Variants in CNNM2 observed in about 807,000 individuals in gnomAD.
CNNM2 encodes metal transporter CNNM2.
In CNNM2, 12 loss-of-function variants were observed where a neutral mutation model predicts 66.9. The ratio of observed to expected loss-of-function variants is 0.18; its 90% CI spans 0.11 to 0.29. CNNM2 has a LOEUF of 0.29. Among genes scored for constraint, CNNM2 ranks in the 10% least tolerant of loss-of-function variants. The pLI, the probability that CNNM2 is intolerant of heterozygous loss-of-function variation, is 1.00. For missense variants in CNNM2, 705 were observed against 1,167.7 expected, an observed-to-expected ratio of 0.60 and a Z score of 5.77; for synonymous variants, 557 against 501.8, an observed-to-expected ratio of 1.11 and a Z score of -1.47.
intron 1 of CNNM2, among the ~76,000 whole-genome samples, chr10:102,931,167 T>G (rs1300023812): frequency 6.6e-6 from 1 of 152,150 alleles, no homozygotes; most frequent in Non-Finnish European, 1.5e-5. Flanking sequence ...TGTACTGGGC[T>G]TCTGCCTCAG....
rs1441771785 is a variant in CNNM2 at position 103,054,313 on chromosome 10, T to C, written c.1766-16T>C. 6.2e-7 allele frequency: 1 copy of C among 1,612,470 alleles called. No homozygotes were observed. The highest frequency in any genetic ancestry group is 1.7e-5 in the Admixed American group (1 of 59,630). On this transcript the variant is annotated splice_polypyrimidine_tract_variant and intron_variant, in intron 2 of 7. Coordinates refer to ENST00000369878, the MANE Select transcript of CNNM2 (RefSeq NM_017649.5). The surrounding 1 kb of genome is among the most constrained non-coding windows in gnomAD (Gnocchi z 5.2). ...ATGCATTTCTTTTTTTTTCTCTCTTTTAATTCCTCCCTTAGCTGACAACAG... is the reference window on the plus strand; with the variant it reads ...ATGCATTTCTTTTTTTTTCTCTCTTCTAATTCCTCCCTTAGCTGACAACAG...
At chr10:103,009,825 G>A (rs2064305704) in intron 1 of CNNM2, among the ~76,000 whole-genome samples, 3 of 152,076 alleles carry the variant, frequency 2.0e-5, no homozygotes, top group Admixed American at 2.0e-4. Flanking sequence ...GCTGTTGACT[G>A]TTTGGAAGAT....
At position 102,976,054 on chromosome 10, in the gene CNNM2, T is replaced by C. The variant is rs1162906025; in HGVS notation, c.1621+55953T>C. ...ACCTTGATGGTTTGAAAGAGATACT[T>C]GGAAGAGAGTGATTAATGAAAATAA... On this transcript the variant is annotated intron_variant, in intron 1 of 7. Coordinates refer to ENST00000369878, the MANE Select transcript of CNNM2 (RefSeq NM_017649.5). Among the ~76,000 whole-genome samples the C allele has an allele frequency of 2.0e-5, 3 of 152,084 alleles. No homozygotes were observed. In the East Asian group the frequency reaches 5.8e-4, roughly 29 times the overall value.
chr10:102,978,297 C>T (rs1364182643), intron 1 of CNNM2, among the ~76,000 whole-genome samples: 4 of 151,756 alleles, frequency 2.6e-5, no homozygotes, highest in Non-Finnish European at 4.4e-5. Flanking sequence ...CTCTTCTCCC[C>T]GCCCTCTGCA....
intron 1 of CNNM2, among the ~76,000 whole-genome samples, chr10:102,986,323 G>A (rs969565993): frequency 6.6e-5 from 10 of 151,426 alleles, no homozygotes; most frequent in African/African-American, 2.4e-4. Flanking sequence ...GTGTGATCTC[G>A]GCTCACTGCA....
At chr10:103,011,646 C>CTGTGTGTGTGTGTGTGTGTGTG (rs10624803) in intron 1 of CNNM2, among the ~76,000 whole-genome samples, 2 of 136,056 alleles carry the variant, frequency 1.5e-5, no homozygotes, top group African/African-American at 5.5e-5. Context: ...AATACTTGCA[C>CTGTGTGTGTGTGTGTGTGTGTG]TGTGTGTGTG....
intron 1 of CNNM2, among the ~76,000 whole-genome samples, chr10:103,008,514 C>G (rs1217488224): frequency 6.6e-6 from 1 of 152,192 alleles, no homozygotes; most frequent in East Asian, 1.9e-4. Flanking sequence ...GGTGGTGCCT[C>G]ACACTTGTGA....
chr10:103,061,982 CAAAAAA>C (rs1266966792), intron 4 of CNNM2, among the ~76,000 whole-genome samples: 1 of 151,958 alleles, frequency 6.6e-6, no homozygotes, highest in Non-Finnish European at 1.5e-5. Context: ...GAATGGTAGA[CAAAAAA>C]GAAAAAGTAC....
chr10:102,987,567 C>T (rs1341464598), intron 1 of CNNM2, among the ~76,000 whole-genome samples: 3 of 151,976 alleles, frequency 2.0e-5, no homozygotes, highest in East Asian at 1.9e-4. Flanking sequence ...GTGATCTGCC[C>T]GCCTCGGCCT....
chr10:102,956,011 G>A (rs919009997), intron 1 of CNNM2, among the ~76,000 whole-genome samples: 4 of 152,216 alleles, frequency 2.6e-5, no homozygotes, highest in Non-Finnish European at 1.5e-5. Context: ...AGTTAGGCCA[G>A]GCATGGTGGC....
chr10:102,952,513 G>A lies in CNNM2; in HGVS notation c.1621+32412G>A, dbSNP rs1409675343. 2.6e-5 allele frequency among the ~76,000 whole-genome samples: 4 copies of A among 151,892 alleles called. No individual in the cohort carries two copies. In the East Asian group the frequency reaches 5.9e-4, roughly 22 times the overall value. ...TGGGAGGCGGAGCTTGCAGTGAGCC[G>A]AGATTGCACCACTGCACTCCAGCCT... On this transcript the variant is annotated intron_variant, in intron 1 of 7. Transcript: ENST00000369878.
chr10:102,950,968 A>G (rs559800346), intron 1 of CNNM2, among the ~76,000 whole-genome samples: 16 of 146,214 alleles, frequency 1.1e-4, no homozygotes, highest in Admixed American at 6.9e-4. Flanking sequence ...GGCAATAGGA[A>G]TTCTTTCTTT....
chr10:103,010,161 A>G (rs575586281), intron 1 of CNNM2, among the ~76,000 whole-genome samples: 1 of 152,292 alleles, frequency 6.6e-6, no homozygotes, highest in Non-Finnish European at 1.5e-5. Context: ...TCAATAACGT[A>G]ATATAGAAAC....
At chr10:102,945,123 T>G (rs1412661624) in intron 1 of CNNM2, among the ~76,000 whole-genome samples, 1 of 152,128 alleles carries the variant, frequency 6.6e-6, no homozygotes, top group Non-Finnish European at 1.5e-5. Flanking sequence ...GGCATCTCAC[T>G]CCTCCCTTTA....
intron 1 of CNNM2, among the ~76,000 whole-genome samples, chr10:102,963,487 C>G (rs1306524185): frequency 6.6e-6 from 1 of 152,154 alleles, no homozygotes; most frequent in African/African-American, 2.4e-5. Context: ...GTGTTTTCAC[C>G]AGAGTAGTAT....
chr10:102,982,067 G>C (rs974856256), intron 1 of CNNM2, among the ~76,000 whole-genome samples: 2 of 152,144 alleles, frequency 1.3e-5, no homozygotes, highest in African/African-American at 4.8e-5. Flanking sequence ...TGGAACTATA[G>C]TCATTTGGTG....
chr10:103,022,339 G>C (rs995372065), intron 1 of CNNM2, among the ~76,000 whole-genome samples: 2 of 152,158 alleles, frequency 1.3e-5, no homozygotes, highest in Admixed American at 6.5e-5. Context: ...CTTTGAGGAA[G>C]ATCCTATCAT....
chr10:103,055,304 T>G (rs528268513), intron 3 of CNNM2, among the ~76,000 whole-genome samples: 16 of 152,342 alleles, frequency 1.1e-4, no homozygotes, highest in Middle Eastern at 3.4e-3. Flanking sequence ...GCAGTAAACT[T>G]AAACCATGTT....
At chr10:102,943,295 G>A (rs181589140) in intron 1 of CNNM2, among the ~76,000 whole-genome samples, 1 of 152,076 alleles carries the variant, frequency 6.6e-6, no homozygotes, top group Non-Finnish European at 1.5e-5. Flanking sequence ...GGGCATGGTG[G>A]CATGCACCTG....
Sources: gnomAD v4.1 joint callset for allele counts (sites outside exome capture counted in the v4.1 genomes callset) on GRCh38, gnomAD v4.1.1 for gene constraint, Gnocchi (gnomAD v3.1) non-coding constraint, MANE v1.5 for transcripts, NCBI Gene and HGNC (gene_info 2026-07-23, HGNC 2026-07-21) for gene names.